The following ARHGAP26 variants were observed in gnomAD, a reference collection of about 807,000 sequenced individuals.
ARHGAP26 encodes the protein Rho GTPase activating protein 26.
ARHGAP26 carries 38 observed loss-of-function variants against 104.8 expected under a neutral mutation model. That is an observed-to-expected ratio of 0.36 (90% CI 0.28 to 0.48). The LOEUF (loss-of-function observed/expected upper bound fraction) is 0.48. Among genes scored for constraint, ARHGAP26 ranks in the 20% least tolerant of loss-of-function variants. The pLI is 0.99. For missense variants in ARHGAP26, 704 were observed against 947.9 expected (o/e 0.74, Z 3.38); for synonymous variants, 341 against 340.0 (o/e 1.00, Z -0.03).
intron 11 of ARHGAP26, among the ~76,000 whole-genome samples, chr5:142,983,999 C>T (rs1774321410): frequency 6.6e-6 from 1 of 152,250 alleles, no homozygotes; most frequent in South Asian, 2.1e-4. Flanking sequence ...TATGATAGGC[C>T]ACATGGGACA....
chr5:143,084,861 G>A (rs974603596), intron 17 of ARHGAP26, among the ~76,000 whole-genome samples: 2 of 151,910 alleles, frequency 1.3e-5, no homozygotes, highest in African/African-American at 4.8e-5. Context: ...CCTGGCCAAC[G>A]TGGTGAAACT....
rs188142540 is a variant in ARHGAP26, at chr5:142,812,132, C to T, written c.154+41217C>T. Among the ~76,000 whole-genome samples the T allele has an allele frequency of 4.6e-5, 7 of 152,262 alleles. No homozygotes were observed. The East Asian group carries it at 5.8e-4, about 13-fold the overall frequency. ...CCTTTTCCCCCCAGTGCTTCCTCTT[C>T]GCTTCCTGTAGTATGAGGGTTGTTC... On this transcript the variant is annotated intron_variant, in intron 1 of 22. Transcript: ENST00000645722.
At chr5:143,151,220 T>C (rs1799801802) in intron 20 of ARHGAP26, among the ~76,000 whole-genome samples, 2 of 152,190 alleles carry the variant, frequency 1.3e-5, no homozygotes, top group Admixed American at 1.3e-4. Context: ...AACAGTGAGA[T>C]ACCACTACAC....
intron 17 of ARHGAP26, among the ~76,000 whole-genome samples, chr5:143,094,093 TCAC>T (rs1470054471): frequency 6.6e-6 from 1 of 152,204 alleles, no homozygotes; most frequent in Non-Finnish European, 1.5e-5. Flanking sequence ...AAGGAATACT[TCAC>T]CACCACTCCC....
intron 17 of ARHGAP26, among the ~76,000 whole-genome samples, chr5:143,094,032 C>T (rs1272382887): frequency 6.6e-6 from 1 of 152,194 alleles, no homozygotes; most frequent in African/African-American, 2.4e-5. Context: ...TCAGCTCCCA[C>T]CTCCTCATGG....
At chr5:143,015,645 A>T (rs1464822582) in intron 12 of ARHGAP26, among the ~76,000 whole-genome samples, 1 of 152,220 alleles carries the variant, frequency 6.6e-6, no homozygotes. Flanking sequence ...GATGCCAAGC[A>T]GGCTACACTA....
chr5:143,031,883 T>C (rs986055146), intron 12 of ARHGAP26, among the ~76,000 whole-genome samples: 25 of 152,110 alleles, frequency 1.6e-4, no homozygotes, highest in Admixed American at 1.5e-3. Flanking sequence ...GAGTTGTTCT[T>C]TTAATCCTTT....
chr5:143,037,348 T>A, intron 13 of ARHGAP26, 87 bp downstream of exon 13: 1 of 1,151,084 alleles, frequency 8.7e-7, no homozygotes, highest in South Asian at 1.7e-5. Context: ...GTTTCCTGAC[T>A]TTAAGTGACT....
chr5:142,802,495 G>T (rs951328664), intron 1 of ARHGAP26, among the ~76,000 whole-genome samples: 1 of 152,180 alleles, frequency 6.6e-6, no homozygotes, highest in African/African-American at 2.4e-5. Context: ...GTTCAACGTA[G>T]TTTTTATTGT....
intron 12 of ARHGAP26, among the ~76,000 whole-genome samples, chr5:143,036,141 A>C (rs1026828796): frequency 2.0e-5 from 3 of 152,158 alleles, no homozygotes; most frequent in Non-Finnish European, 4.4e-5. Context: ...CAAGTTTATT[A>C]CTTTCCCTGA....
chr5:143,090,665 G>C (rs1445358574), intron 17 of ARHGAP26, among the ~76,000 whole-genome samples: 1 of 152,194 alleles, frequency 6.6e-6, no homozygotes, highest in Non-Finnish European at 1.5e-5. Context: ...AACCTGTGTA[G>C]AATTACACTG....
intron 1 of ARHGAP26, among the ~76,000 whole-genome samples, chr5:142,833,930 A>G (rs1769030952): frequency 1.3e-5 from 2 of 152,196 alleles, no homozygotes; most frequent in South Asian, 4.1e-4. Context: ...TTTCGGGGCC[A>G]TCTTTAGACT....
At chr5:143,199,504 A>G (rs1235997650) in intron 20 of ARHGAP26, among the ~76,000 whole-genome samples, 3 of 152,244 alleles carry the variant, frequency 2.0e-5, no homozygotes, top group Non-Finnish European at 4.4e-5. Context: ...GAAGAATTCA[A>G]TGAAATGGGA....
intron 19 of ARHGAP26, among the ~76,000 whole-genome samples, 191 bp from the exon 20 acceptor site, chr5:143,147,040 C>T (rs544871994): frequency 6.6e-6 from 1 of 152,276 alleles, no homozygotes; most frequent in African/African-American, 2.4e-5. Context: ...TTTAAAATTT[C>T]GAGTCACCTG....
At chr5:142,799,482 A>G (rs1414234434) in intron 1 of ARHGAP26, among the ~76,000 whole-genome samples, 1 of 152,194 alleles carries the variant, frequency 6.6e-6, no homozygotes. Flanking sequence ...TGAGGCTGAG[A>G]GTATTTGTAC....
chr5:143,150,631 T>G (rs1216812214), intron 20 of ARHGAP26, among the ~76,000 whole-genome samples: 2 of 152,186 alleles, frequency 1.3e-5, no homozygotes, highest in African/African-American at 4.8e-5. Context: ...CTGGTACCAC[T>G]ACCACCAAAA....
At chr5:143,207,534 G>A (rs1356400622) in intron 21 of ARHGAP26, 2 of 1,584,114 alleles carry the variant, frequency 1.3e-6, no homozygotes, top group East Asian at 4.5e-5. Context: ...AGGGACAACA[G>A]GGGGCTGCCC....
intron 1 of ARHGAP26, among the ~76,000 whole-genome samples, chr5:142,793,753 A>G (rs1423571856): frequency 6.6e-6 from 1 of 151,430 alleles, no homozygotes; most frequent in Non-Finnish European, 1.5e-5. Context: ...ATGCCTAGCT[A>G]ATTTTTGTAT....
intron 6 of ARHGAP26, among the ~76,000 whole-genome samples, chr5:142,896,275 T>G (rs1358875451): frequency 6.6e-6 from 1 of 152,254 alleles, no homozygotes; most frequent in African/African-American, 2.4e-5. Flanking sequence ...TCTAATAATC[T>G]TTATATATAC....
Sources: allele counts gnomAD v4.1 joint callset (sites outside exome capture counted in the v4.1 genomes callset), GRCh38; gene constraint gnomAD v4.1.1; transcripts MANE v1.5; gene names NCBI Gene and HGNC (gene_info 2026-07-23, HGNC 2026-07-21).